Variants in KCNN3 observed in about 807,000 individuals in gnomAD.
The protein encoded by KCNN3 is small conductance calcium-activated potassium channel protein 3.
In KCNN3, 16 loss-of-function variants were observed where a neutral mutation model predicts 62.9. The ratio of observed to expected loss-of-function variants is 0.25; its 90% CI spans 0.17 to 0.39. KCNN3 has a LOEUF of 0.39. Ranked by LOEUF, KCNN3 falls within the 10% of genes least tolerant of loss-of-function variation. KCNN3 has a pLI of 1.00. For missense variants in KCNN3, 599 were observed against 949.4 expected, an observed-to-expected ratio of 0.63 and a Z score of 4.85; for synonymous variants, 370 against 389.2, an observed-to-expected ratio of 0.95 and a Z score of 0.58.
At chr1:154,861,400 T>C (rs1031051845) in intron 1 of KCNN3, among the ~76,000 whole-genome samples, 1 of 152,150 alleles carries the variant, frequency 6.6e-6, no homozygotes, top group Non-Finnish European at 1.5e-5. Flanking sequence ...CCTGGGCCTG[T>C]GTTCACTGCC....
intron 2 of KCNN3, among the ~76,000 whole-genome samples, chr1:154,777,005 A>G (rs2101845470): frequency 6.6e-6 from 1 of 152,312 alleles, no homozygotes; most frequent in African/African-American, 2.4e-5. Flanking sequence ...TCCCTGTGGC[A>G]TCTCCAGAGC....
rs116449446 is a variant in KCNN3, at chr1:154,853,067, G to A, written c.933+15965C>T. On this transcript the variant is annotated intron_variant, in intron 1 of 7. Coordinates refer to ENST00000271915, the MANE Select transcript of KCNN3 (RefSeq NM_002249.6). The stretch of plus-strand genomic sequence containing the variant: ...CACAGTGGCGTAATCACAGCTCACT[G>A]CATCCTCGAATTCCTGGGCTTACGG... Among the ~76,000 whole-genome samples, 747 of 151,564 alleles carry A rather than the reference G, an allele frequency of 4.9e-3. 7 individuals are homozygous for A. Among genetic ancestry groups the A allele is most frequent in the African/African-American group, 0.017 (706 of 41,294 alleles).
chr1:154,714,612 G>C lies in KCNN3; in HGVS notation c.1829+264C>G, dbSNP rs1488403591. On this transcript the variant is annotated intron_variant, in intron 6 of 7. Coordinates refer to ENST00000271915, the MANE Select transcript of KCNN3 (RefSeq NM_002249.6). ...ATGGTGTGTGTGATGTGTGGTGTGT[G>C]GTGTGTGTGTGTGTGTGTGTGTGTG... 6.0e-3 allele frequency among the ~76,000 whole-genome samples: 150 copies of C among 24,858 alleles called. 1 individual carries two copies. Among genetic ancestry groups the C allele is most frequent in the African/African-American group, 7.7e-3 (71 of 9,234 alleles). 16.3% of individuals were successfully genotyped at this position (24,858 alleles called of 152,430 possible). A position where few individuals can be genotyped will look rare whatever the true frequency, so the allele number is the denominator to read the frequency against.
intron 2 of KCNN3, among the ~76,000 whole-genome samples, chr1:154,803,509 T>C (rs1161954310): frequency 6.6e-6 from 1 of 152,216 alleles, no homozygotes; most frequent in African/African-American, 2.4e-5. Context: ...CAGTTGTTTT[T>C]CTTCAAAACA....
intron 3 of KCNN3, among the ~76,000 whole-genome samples, chr1:154,747,659 G>A (rs962700882): frequency 2.0e-5 from 3 of 152,244 alleles, no homozygotes; most frequent in Middle Eastern, 3.4e-3. Context: ...AGCAGAAGTC[G>A]GCTGTCTGAA....
chr1:154,817,327 T>C (rs1650708088), intron 2 of KCNN3, among the ~76,000 whole-genome samples: 2 of 152,194 alleles, frequency 1.3e-5, no homozygotes, highest in South Asian at 4.1e-4. Context: ...AGGGATTAAA[T>C]ACCAGAGGAA....
At chr1:154,844,773 A>T (rs1651979842) in intron 1 of KCNN3, among the ~76,000 whole-genome samples, 1 of 152,144 alleles carries the variant, frequency 6.6e-6, no homozygotes, top group Non-Finnish European at 1.5e-5. Flanking sequence ...TGGGAGGCTG[A>T]GGCGGGTGGA....
intron 2 of KCNN3, among the ~76,000 whole-genome samples, chr1:154,810,040 GGGTGGAAACA>G (rs1302082468): frequency 6.6e-6 from 1 of 152,190 alleles, no homozygotes; most frequent in Non-Finnish European, 1.5e-5. Flanking sequence ...AGCAAGATCA[GGGTGGAAACA>G]GGATTATTGA....
chr1:154,863,500 C>T (rs564596364), intron 1 of KCNN3, among the ~76,000 whole-genome samples: 23 of 152,282 alleles, frequency 1.5e-4, no homozygotes, highest in Admixed American at 5.9e-4. Flanking sequence ...ACAGCCGCCC[C>T]TCACAACCCC....
intron 2 of KCNN3, among the ~76,000 whole-genome samples, chr1:154,782,398 A>G (rs778235423): frequency 6.6e-6 from 1 of 152,232 alleles, no homozygotes; most frequent in African/African-American, 2.4e-5. Context: ...TCAGGGTGCC[A>G]ACACGGTCAG....
intron 1 of KCNN3, chr1:154,868,222 T>C (rs1484315675): frequency 3.0e-6 from 3 of 985,370 alleles, no homozygotes; most frequent in Admixed American, 6.1e-5. Context: ...CCCCAGCTGA[T>C]TCCAAGGCGG....
intron 4 of KCNN3, among the ~76,000 whole-genome samples, chr1:154,729,500 C>T (rs1443451129): frequency 6.6e-6 from 1 of 152,092 alleles, no homozygotes; most frequent in Non-Finnish European, 1.5e-5. Flanking sequence ...CACCAGTCCT[C>T]CCACCTCTTG....
chr1:154,745,434 T>C (rs1700918813), intron 3 of KCNN3, among the ~76,000 whole-genome samples: 1 of 152,222 alleles, frequency 6.6e-6, no homozygotes, highest in South Asian at 2.1e-4. Context: ...AGTGGTTTCC[T>C]GTAGAAGCTT....
chr1:154,794,312 T>C (rs1386198926), intron 2 of KCNN3, among the ~76,000 whole-genome samples: 1 of 152,214 alleles, frequency 6.6e-6, no homozygotes, highest in Admixed American at 6.5e-5. Flanking sequence ...TCTATGTCCA[T>C]GTTTTCCCCA....
In KCNN3 at chr1:154,824,283, G is replaced by A. The variant is rs74115890; in HGVS notation, c.934-2099C>T. ...TCTTTTAGCCTCTTCATGTTCCACAGTTCCATAAGAGCAGCCTGCAATCAT... is the reference window on the plus strand; with the variant it reads ...TCTTTTAGCCTCTTCATGTTCCACAATTCCATAAGAGCAGCCTGCAATCAT... On this transcript the variant is annotated intron_variant, in intron 1 of 7. Coordinates refer to ENST00000271915, the MANE Select transcript of KCNN3 (RefSeq NM_002249.6). Among the ~76,000 whole-genome samples, 652 of 152,330 alleles carry A rather than the reference G, an allele frequency of 4.3e-3. 7 individuals are homozygous for A. The highest frequency in any genetic ancestry group is 0.015 in the African/African-American group (610 of 41,570).
chr1:154,752,998 C>A (rs1325310484), intron 3 of KCNN3, among the ~76,000 whole-genome samples: 1 of 152,168 alleles, frequency 6.6e-6, no homozygotes, highest in Admixed American at 6.5e-5. Flanking sequence ...GGAATCTATC[C>A]TCTAATTTCT....
chr1:154,721,560 C>A (rs1700348421), intron 5 of KCNN3, among the ~76,000 whole-genome samples: 1 of 152,138 alleles, frequency 6.6e-6, no homozygotes, highest in African/African-American at 2.4e-5. Flanking sequence ...GTCGGCCTCG[C>A]AAAGTGCTGG....
intron 4 of KCNN3, among the ~76,000 whole-genome samples, chr1:154,727,533 G>A (rs938410958): frequency 2.6e-4 from 40 of 152,216 alleles, no homozygotes; most frequent in African/African-American, 7.9e-4. Context: ...CTTTCTCCTC[G>A]TTTCCCACAA....
At chr1:154,783,225 A>G (rs1188025851) in intron 2 of KCNN3, among the ~76,000 whole-genome samples, 1 of 144,248 alleles carries the variant, frequency 6.9e-6, no homozygotes, top group Non-Finnish European at 1.5e-5. Flanking sequence ...AAAAAAAAAA[A>G]GAAAAAAGAA....
Sources: gnomAD v4.1 joint callset for allele counts (sites outside exome capture counted in the v4.1 genomes callset) on GRCh38, gnomAD v4.1.1 for gene constraint, MANE v1.5 for transcripts, NCBI Gene and HGNC (gene_info 2026-07-23, HGNC 2026-07-21) for gene names.